The following EEF2K variants were observed in gnomAD, a reference collection of about 807,000 sequenced individuals.
EEF2K encodes the protein eukaryotic elongation factor 2 kinase.
In EEF2K, 70 loss-of-function variants were observed where a neutral mutation model predicts 93.8. The ratio of observed to expected loss-of-function variants is 0.75; its 90% confidence interval spans 0.62 to 0.91. The LOEUF (loss-of-function observed/expected upper bound fraction) is 0.91, where lower values mean the gene tolerates loss of function less well. Among genes scored for constraint, EEF2K ranks in the 40% least tolerant of loss-of-function variants. EEF2K has a pLI of 0.00. For missense variants in EEF2K, 935 were observed against 972.9 expected, an observed-to-expected ratio of 0.96 and a Z score of 0.52; for synonymous variants, 376 against 380.8, an observed-to-expected ratio of 0.99 and a Z score of 0.15.
intron 2 of EEF2K, among the ~76,000 whole-genome samples, chr16:22,237,471 CTA>C (rs1351994954): frequency 6.6e-6 from 1 of 151,826 alleles, no homozygotes; most frequent in Non-Finnish European, 1.5e-5. Flanking sequence ...AACTCTGTCT[CTA>C]CAAAAATACA....
At position 22,225,900 on chromosome 16, in the gene EEF2K, T is replaced by C; in HGVS notation, c.171T>C (p.Asn57=). ...SSNQNVNSKV[N]KYYSNLTKSE... is the part of the protein sequence containing the mutation. ...ACCAGAATGTCAATTCCAAGGTTAA[T>C]AAGTACTACAGCAACCTAACAAAAA... is the stretch of plus-strand genomic sequence containing the variant. Residue 57 remains asparagine, a synonymous_variant, in exon 2 of 18, where the codon AAT becomes AAC. Coordinates refer to ENST00000263026, the MANE Select transcript of EEF2K (RefSeq NM_013302.5). 1 of 1,614,206 alleles carries C rather than the reference T, an allele frequency of 6.2e-7. No homozygotes were observed. The highest frequency in any genetic ancestry group is 8.5e-7 in the Non-Finnish European group (1 of 1,180,040).
chr16:22,284,068 A>C lies in EEF2K; in HGVS notation c.*72A>C. The stretch of plus-strand genomic sequence containing the variant: ...AAAGATTAAAAAAACAACAACAACA[A>C]CTTATTTAGTTTGGGGAGGGGAAGC... On this transcript the variant is annotated 3_prime_UTR_variant, in exon 18 of 18. Coordinates refer to ENST00000263026, the MANE Select transcript of EEF2K (RefSeq NM_013302.5). The C allele has an allele frequency of 3.8e-6, 5 of 1,303,374 alleles. No homozygotes were observed. The highest frequency in any genetic ancestry group is 5.3e-6 in the Non-Finnish European group (5 of 938,686). The allele number at this position is 1,303,374 out of a possible 1,614,324, so 80.7% of individuals were successfully genotyped here.
At chr16:22,282,371 T>C (rs903640479) in intron 17 of EEF2K, among the ~76,000 whole-genome samples, 1 of 152,152 alleles carries the variant, frequency 6.6e-6, no homozygotes, top group African/African-American at 2.4e-5. Flanking sequence ...GCTGTCTCTT[T>C]TGCTTCCTAA....
chr16:22,266,623 G>A, intron 14 of EEF2K, 65 bp from the exon 15 acceptor site: 1 of 1,585,994 alleles, frequency 6.3e-7, no homozygotes, highest in Non-Finnish European at 8.6e-7. Flanking sequence ...CAGGCTGGCT[G>A]GGCGGTCTTG....
intron 2 of EEF2K, among the ~76,000 whole-genome samples, chr16:22,240,163 C>T (rs1439958025): frequency 6.7e-6 from 1 of 149,100 alleles, no homozygotes; most frequent in African/African-American, 2.5e-5. Context: ...TAGACATACA[C>T]ATGTCTGCTG....
chr16:22,237,866 A>G (rs914266086), intron 2 of EEF2K, among the ~76,000 whole-genome samples: 1 of 152,152 alleles, frequency 6.6e-6, no homozygotes, highest in African/African-American at 2.4e-5. Context: ...ATTTGTGTGT[A>G]TGTCTACAGA....
At chr16:22,276,297 G>C (rs781687824) in intron 16 of EEF2K, among the ~76,000 whole-genome samples, 6 of 152,094 alleles carry the variant, frequency 3.9e-5, no homozygotes, top group Non-Finnish European at 5.9e-5. Context: ...ACCATAGATA[G>C]AGGGAGGGCA....
At chr16:22,247,190 C>T (rs2047304197) in intron 3 of EEF2K, among the ~76,000 whole-genome samples, 1 of 151,774 alleles carries the variant, frequency 6.6e-6, no homozygotes, top group Non-Finnish European at 1.5e-5. Flanking sequence ...CCTGTAATCC[C>T]AGCACTTTGG....
At chr16:22,278,583 A>G (rs2047663413) in intron 16 of EEF2K, among the ~76,000 whole-genome samples, 1 of 152,128 alleles carries the variant, frequency 6.6e-6, no homozygotes, top group Admixed American at 6.5e-5. Flanking sequence ...AGCGCCTGTC[A>G]GACAGGGCCG....
At chr16:22,217,074 T>A (rs556207910) in intron 1 of EEF2K, among the ~76,000 whole-genome samples, 1 of 144,920 alleles carries the variant, frequency 6.9e-6, no homozygotes, top group East Asian at 2.0e-4. Flanking sequence ...TATGGGAGGA[T>A]CACTTGAGCC....
intron 11 of EEF2K, among the ~76,000 whole-genome samples, chr16:22,261,092 G>A (rs376302574): frequency 1.3e-5 from 2 of 152,088 alleles, no homozygotes; most frequent in Non-Finnish European, 2.9e-5. Context: ...AGTAAAATTG[G>A]CCAGGCATGG....
At chr16:22,263,670 C>G (rs1052303882) in intron 12 of EEF2K, among the ~76,000 whole-genome samples, 1 of 152,158 alleles carries the variant, frequency 6.6e-6, no homozygotes, top group African/African-American at 2.4e-5. Context: ...AAAACAGGAT[C>G]ATGTGGACCA....
chr16:22,212,206 C>A (rs2046921289), intron 1 of EEF2K, among the ~76,000 whole-genome samples: 1 of 152,146 alleles, frequency 6.6e-6, no homozygotes, highest in African/African-American at 2.4e-5. Flanking sequence ...GTTTTATATG[C>A]AGAAAACACA....
chr16:22,244,711 G>A lies in EEF2K; in HGVS notation c.328G>A (p.Glu110Lys), dbSNP rs775963419. ...GTTCCACCTGGAAGATATTGCCACC[G>A]AACGTGCTACTCGACACAGGTCAGC... ...AEFHLEDIAT[E>K]RATRHRYNAV... The change falls in exon 3 of 18, where the codon GAA becomes AAA. Residue 110 changes from glutamate to lysine, a missense_variant. Glu to Lys is a moderately conservative substitution (Grantham distance 56). Coordinates refer to ENST00000263026, the MANE Select transcript of EEF2K (RefSeq NM_013302.5). 54 of 1,613,780 alleles carry A rather than the reference G, an allele frequency of 3.3e-5. No homozygotes were observed. In the South Asian group the frequency reaches 3.5e-4, roughly 11 times the overall value.
intron 2 of EEF2K, among the ~76,000 whole-genome samples, chr16:22,239,466 G>A (rs1041462269): frequency 1.3e-5 from 2 of 152,318 alleles, no homozygotes; most frequent in Non-Finnish European, 1.5e-5. Flanking sequence ...GTCGAAGGCT[G>A]TCCCTGCCAT....
At chr16:22,248,384 A>G (rs1441016663) in intron 3 of EEF2K, among the ~76,000 whole-genome samples, 1 of 151,944 alleles carries the variant, frequency 6.6e-6, no homozygotes, top group Non-Finnish European at 1.5e-5. Flanking sequence ...TTAAGCATCC[A>G]CACACACTGG....
intron 6 of EEF2K, among the ~76,000 whole-genome samples, chr16:22,252,334 C>T (rs2047359687): frequency 6.6e-6 from 1 of 152,216 alleles, no homozygotes. Flanking sequence ...CCTGGGTGTT[C>T]TTCTGGGTTG....
chr16:22,278,517 T>C (rs1157751044), intron 16 of EEF2K, among the ~76,000 whole-genome samples: 1 of 152,046 alleles, frequency 6.6e-6, no homozygotes, highest in Non-Finnish European at 1.5e-5. Flanking sequence ...GGGGAATGGA[T>C]GGCAGCCGGT....
intron 10 of EEF2K, among the ~76,000 whole-genome samples, chr16:22,259,596 C>T (rs1432442596): frequency 6.6e-6 from 1 of 152,050 alleles, no homozygotes; most frequent in African/African-American, 2.4e-5. Context: ...TGGCTGTGTT[C>T]CAATAAAACT....
Sources: gnomAD v4.1 joint callset for allele counts (sites outside exome capture counted in the v4.1 genomes callset) on GRCh38, gnomAD v4.1.1 for gene constraint, MANE v1.5 for transcripts, NCBI Gene and HGNC (gene_info 2026-07-23, HGNC 2026-07-21) for gene names.